FAM228B: variants seen among roughly 807,000 people sequenced by gnomAD.
FAM228B encodes the protein protein FAM228B.
Under a neutral mutation model 42.6 loss-of-function variants are expected in FAM228B, and 38 were observed. That is an observed-to-expected ratio of 0.89 (90% CI 0.69 to 1.17). The LOEUF is 1.17. Ranked by LOEUF, FAM228B falls within the 50% of genes most tolerant of loss-of-function variation. FAM228B has a pLI of 0.00. For synonymous variants in FAM228B, 109 were observed against 122.3 expected, an observed-to-expected ratio of 0.89 and a Z score of 0.72; for missense variants, 344 against 367.3, an observed-to-expected ratio of 0.94 and a Z score of 0.52.
At chr2:24,112,403 C>A (rs765167707) in intron 3 of FAM228B, among the ~76,000 whole-genome samples, 2 of 150,300 alleles carry the variant, frequency 1.3e-5, no homozygotes, top group African/African-American at 2.4e-5. Flanking sequence ...TGGGTTCAAG[C>A]GATTCTTGTG....
upstream of FAM228B, chr2:24,119,778 CAT>C (rs1666038195): frequency 1.2e-6 from 1 of 850,312 alleles, no homozygotes; most frequent in Non-Finnish European, 1.9e-6. Flanking sequence ...TCCTGATTTC[CAT>C]ATGTTTGGAA....
At chr2:24,167,916 G>C (rs756260224) in intron 10 of FAM228B, 1 of 434,400 alleles carries the variant, frequency 2.3e-6, no homozygotes, top group South Asian at 3.2e-5. Context: ...ACTTCCAAGT[G>C]ATCTTCAGAG....
At chr2:24,091,699 A>C (rs950420455) in intron 2 of FAM228B, among the ~76,000 whole-genome samples, 5 of 151,206 alleles carry the variant, frequency 3.3e-5, no homozygotes, top group Admixed American at 3.3e-4. Flanking sequence ...AGATACAAAA[A>C]TTATATAATG....
intron 6 of FAM228B, 43 bp from the exon 7 acceptor site, chr2:24,146,887 A>G (rs1360783152): frequency 6.5e-7 from 1 of 1,539,966 alleles, no homozygotes; most frequent in Non-Finnish European, 8.8e-7. Flanking sequence ...GCAATGGCAG[A>G]TGCATTTAAG....
intron 7 of FAM228B, among the ~76,000 whole-genome samples, chr2:24,148,603 A>T (rs1251521358): frequency 6.6e-6 from 1 of 152,080 alleles, no homozygotes; most frequent in Non-Finnish European, 1.5e-5. Flanking sequence ...GTAGGTACAT[A>T]GTAGGTGTAT....
chr2:24,133,877 A>G (rs1012955817), intron 2 of FAM228B, among the ~76,000 whole-genome samples: 4 of 152,040 alleles, frequency 2.6e-5, no homozygotes, highest in African/African-American at 4.8e-5. Flanking sequence ...ATACTACTAC[A>G]CTCTAGCCTA....
At chr2:24,079,339 A>G in intron 1 of FAM228B, 1 of 1,286,032 alleles carries the variant, frequency 7.8e-7, no homozygotes, top group Non-Finnish European at 1.1e-6. Context: ...TCTTCATAGA[A>G]ACTAACCTCC....
At chr2:24,124,231 A>G (rs1666239770) in intron 1 of FAM228B, 99 bp from the exon 2 acceptor site, 1 of 613,362 alleles carries the variant, frequency 1.6e-6, no homozygotes, top group Non-Finnish European at 2.8e-6. Context: ...TTAGTGTTCA[A>G]AATCCATTTT....
At chr2:24,117,780 C>T (rs112422357) in intron 3 of FAM228B, among the ~76,000 whole-genome samples, 3 of 152,046 alleles carry the variant, frequency 2.0e-5, no homozygotes, top group Admixed American at 6.6e-5. Flanking sequence ...ACAATGATCA[C>T]GTATAATTTT....
intron 8 of FAM228B, 31 bp from the exon 9 acceptor site, chr2:24,164,167 G>C (rs1667342817): frequency 7.2e-6 from 11 of 1,527,674 alleles, no homozygotes; most frequent in Non-Finnish European, 9.7e-6. Flanking sequence ...AGAGTTAAGA[G>C]AATCCCTTCC....
intron 2 of FAM228B, among the ~76,000 whole-genome samples, chr2:24,086,822 C>G (rs901025697): frequency 6.6e-6 from 1 of 152,172 alleles, no homozygotes; most frequent in Non-Finnish European, 1.5e-5. Flanking sequence ...GACACATCAT[C>G]CGGATACACA....
In FAM228B at chr2:24,084,025, T is replaced by C. The variant is rs1019907674; in HGVS notation, c.-210+3070T>C. ...TACAAGTACTCCCCCTTGTTTTGCA[T>C]GAACAAAGAGGGCGCCCTGGGTTTA... On this transcript the variant is annotated intron_variant, in intron 2 of 10. Coordinates refer to the FAM228B transcript ENST00000613899. The surrounding 1 kb of genome is among the most constrained non-coding windows in gnomAD (Gnocchi z 8.4). Among the ~76,000 whole-genome samples, 1 of 152,088 alleles carries C rather than the reference T, an allele frequency of 6.6e-6. No individual in the cohort carries two copies. Among genetic ancestry groups the C allele is most frequent in the Admixed American group, 6.5e-5 (1 of 15,268 alleles).
At chr2:24,145,157 C>A (rs1236380676) in intron 5 of FAM228B, among the ~76,000 whole-genome samples, 10 of 152,178 alleles carry the variant, frequency 6.6e-5, no homozygotes, top group Admixed American at 1.3e-4. Flanking sequence ...AAGCAAGCCA[C>A]CTGGAGACCC....
chr2:24,107,418 A>C (rs1665719992), intron 3 of FAM228B, among the ~76,000 whole-genome samples: 1 of 152,214 alleles, frequency 6.6e-6, no homozygotes, highest in Non-Finnish European at 1.5e-5. Flanking sequence ...TGAACACTTG[A>C]CCAAAGTAAC....
At position 24,108,648 on chromosome 2, in the gene FAM228B, T is replaced by C. The variant is rs548748639; in HGVS notation, c.-121+13419T>C. On this transcript the variant is annotated intron_variant, in intron 3 of 10. Coordinates refer to the FAM228B transcript ENST00000613899. Reference sequence around the variant, plus strand: ...CGGGCACAGTGGCTCATGCCTGTAATCCCAGCACTTTGGGAGGCCTAGACG... The same window carrying C: ...CGGGCACAGTGGCTCATGCCTGTAACCCCAGCACTTTGGGAGGCCTAGACG... 2.0e-5 allele frequency among the ~76,000 whole-genome samples: 3 copies of C among 152,252 alleles called. No homozygotes were observed. In the South Asian group the frequency reaches 6.2e-4, roughly 32 times the overall value.
intron 7 of FAM228B, among the ~76,000 whole-genome samples, chr2:24,156,756 T>C (rs1010314450): frequency 1.2e-4 from 18 of 146,162 alleles, no homozygotes; most frequent in Non-Finnish European, 2.4e-4. Flanking sequence ...TACCAGACAC[T>C]GTTATACATT....
intron 2 of FAM228B, among the ~76,000 whole-genome samples, chr2:24,129,665 C>T (rs1015342092): frequency 6.6e-6 from 1 of 151,884 alleles, no homozygotes; most frequent in Non-Finnish European, 1.5e-5. Flanking sequence ...GTATTTTCCA[C>T]TTGGTTTTTT....
intron 2 of FAM228B, among the ~76,000 whole-genome samples, chr2:24,089,146 C>T (rs1665330037): frequency 6.6e-6 from 1 of 152,090 alleles, no homozygotes; most frequent in Non-Finnish European, 1.5e-5. Flanking sequence ...GTCAGGAGTT[C>T]AAGGCCAGCC....
intron 2 of FAM228B, among the ~76,000 whole-genome samples, chr2:24,088,587 GAGAT>G (rs1249559256): frequency 6.6e-6 from 1 of 152,158 alleles, no homozygotes; most frequent in South Asian, 2.1e-4. Flanking sequence ...TTGGGCTCAA[GAGAT>G]CCACCTGCTT....
Sources: gnomAD v4.1 joint callset for allele counts (sites outside exome capture counted in the v4.1 genomes callset) on GRCh38, gnomAD v4.1.1 for gene constraint, Gnocchi (gnomAD v3.1) non-coding constraint, MANE v1.5 for transcripts, NCBI Gene and HGNC (gene_info 2026-07-23, HGNC 2026-07-21) for gene names.